Variants in CHSY1 observed in about 807,000 individuals in gnomAD.
CHSY1 encodes the protein chondroitin sulfate synthase 1.
Under a neutral mutation model 59.8 loss-of-function variants are expected in CHSY1, and 13 were observed. That is an observed-to-expected ratio of 0.22 (90% CI 0.14 to 0.35). The LOEUF (loss-of-function observed/expected upper bound fraction) is 0.35. Among genes scored for constraint, CHSY1 ranks in the 10% least tolerant of loss-of-function variants. The pLI, the probability that CHSY1 is intolerant of heterozygous loss-of-function variation, is 1.00. For synonymous variants in CHSY1, 459 were observed against 401.2 expected, an observed-to-expected ratio of 1.14 and a Z score of -1.72; for missense variants, 947 against 1,030.6, an observed-to-expected ratio of 0.92 and a Z score of 1.11.
At chr15:101,186,351 TAAAAC>T (rs2038365005) in intron 2 of CHSY1, among the ~76,000 whole-genome samples, 2 of 134,514 alleles carry the variant, frequency 1.5e-5, no homozygotes, top group Non-Finnish European at 3.2e-5. Flanking sequence ...AATAAATAAA[TAAAAC>T]GTATAGTCAC....
At chr15:101,183,679 C>G (rs530968893) in intron 2 of CHSY1, among the ~76,000 whole-genome samples, 20 of 152,316 alleles carry the variant, frequency 1.3e-4, no homozygotes, top group Non-Finnish European at 2.6e-4. Context: ...AAGGAGGCAC[C>G]ACACGGACAG....
intron 2 of CHSY1, 22 bp downstream of exon 2, chr15:101,235,060 T>C (rs747150513): frequency 1.2e-6 from 2 of 1,611,844 alleles, no homozygotes; most frequent in Non-Finnish European, 1.7e-6. Flanking sequence ...GTTTTTCCCA[T>C]GGTAAAGAAT....
chr15:101,223,789 C>T (rs111462074), intron 2 of CHSY1, among the ~76,000 whole-genome samples: 2 of 139,768 alleles, frequency 1.4e-5, no homozygotes, highest in South Asian at 2.3e-4. Flanking sequence ...ACTCAGGCCT[C>T]GTCTACTACA....
chr15:101,218,192 C>G (rs2038753593), intron 2 of CHSY1, among the ~76,000 whole-genome samples: 1 of 152,204 alleles, frequency 6.6e-6, no homozygotes, highest in Admixed American at 6.5e-5. Flanking sequence ...CTGGCACAGA[C>G]AGGCGACAGG....
chr15:101,189,361 T>C, intron 2 of CHSY1: 1 of 794,100 alleles, frequency 1.3e-6, no homozygotes, highest in Non-Finnish European at 1.5e-6. Flanking sequence ...GAACGTGATA[T>C]AAGCTCTAGT....
At chr15:101,211,471 C>T (rs1408509987) in intron 2 of CHSY1, among the ~76,000 whole-genome samples, 1 of 152,044 alleles carries the variant, frequency 6.6e-6, no homozygotes, top group Non-Finnish European at 1.5e-5. Context: ...ACGTATAGGA[C>T]TCAGTGAAAA....
intron 2 of CHSY1, among the ~76,000 whole-genome samples, chr15:101,191,574 G>T (rs2038445476): frequency 1.3e-5 from 2 of 152,184 alleles, no homozygotes; most frequent in South Asian, 4.1e-4. Context: ...GACTTCGGGT[G>T]ATAATGATAT....
chr15:101,182,801 C>T (rs984876144), intron 2 of CHSY1, among the ~76,000 whole-genome samples: 12 of 152,366 alleles, frequency 7.9e-5, no homozygotes, highest in African/African-American at 2.6e-4. Context: ...AAAGCCTCTG[C>T]TACACAGCTC....
intron 2 of CHSY1, among the ~76,000 whole-genome samples, chr15:101,225,900 TAAAG>T (rs1242985129): frequency 1.3e-5 from 2 of 152,162 alleles, no homozygotes; most frequent in African/African-American, 2.4e-5. Context: ...TGTCTTAAGA[TAAAG>T]AAAACGATAT....
At chr15:101,200,336 C>T (rs1007148751) in intron 2 of CHSY1, among the ~76,000 whole-genome samples, 10 of 152,194 alleles carry the variant, frequency 6.6e-5, no homozygotes, top group African/African-American at 9.7e-5. Flanking sequence ...TTTCACATGA[C>T]GGGTAAACAC....
intron 2 of CHSY1, among the ~76,000 whole-genome samples, chr15:101,226,939 T>C (rs2038847385): frequency 6.6e-6 from 1 of 152,154 alleles, no homozygotes; most frequent in Non-Finnish European, 1.5e-5. Flanking sequence ...TAACAGATGC[T>C]TTTAGGTGAC....
chr15:101,224,476 A>C (rs1357897422), intron 2 of CHSY1, among the ~76,000 whole-genome samples: 3 of 152,184 alleles, frequency 2.0e-5, no homozygotes, highest in Non-Finnish European at 4.4e-5. Context: ...ACATCACTAA[A>C]TCATAAGAAA....
intron 2 of CHSY1, among the ~76,000 whole-genome samples, chr15:101,195,540 G>C (rs374707323): frequency 9.1e-4 from 139 of 152,352 alleles, no homozygotes; most frequent in African/African-American, 3.2e-3. Context: ...TTTAAAAGCT[G>C]GCCGGGTGTG....
Position 101,235,584 on chromosome 15 carries a change from T to C in CHSY1, c.321-7A>G. ...AATTGTCTTGGACCATGTTCTGGAA[T>C]TAAAATAAATATCAGTTAGAGAACA... On this transcript the variant is annotated splice_region_variant and splice_polypyrimidine_tract_variant and intron_variant, in intron 1 of 2. Coordinates refer to ENST00000254190, the MANE Select transcript of CHSY1 (RefSeq NM_014918.5). 6.2e-7 allele frequency: 1 copy of C among 1,605,594 alleles called. No individual in the cohort carries two copies. Among genetic ancestry groups the C allele is most frequent in the Non-Finnish European group, 8.5e-7 (1 of 1,179,826 alleles).
chr15:101,249,958 C>G (rs1389441047), intron 1 of CHSY1, among the ~76,000 whole-genome samples: 2 of 152,238 alleles, frequency 1.3e-5, no homozygotes, highest in Non-Finnish European at 2.9e-5. Context: ...AAGGGGCAGT[C>G]ACTGAAGACC....
chr15:101,247,448 C>T (rs914495585), intron 1 of CHSY1, among the ~76,000 whole-genome samples: 2 of 152,192 alleles, frequency 1.3e-5, no homozygotes, highest in Admixed American at 6.5e-5. Context: ...CTAGCAGAAA[C>T]CCTCTTTTTA....
At chr15:101,247,844 G>A (rs892748578) in intron 1 of CHSY1, among the ~76,000 whole-genome samples, 3 of 152,164 alleles carry the variant, frequency 2.0e-5, no homozygotes, top group African/African-American at 4.8e-5. Context: ...TGTGCCTTTA[G>A]TGTGGACGGG....
chr15:101,238,726 T>TTTG (rs1394225068), intron 1 of CHSY1, among the ~76,000 whole-genome samples: 26 of 152,250 alleles, frequency 1.7e-4, no homozygotes, highest in African/African-American at 6.0e-4. Context: ...AAATAACTCA[T>TTTG]TAACAAAGAA....
chr15:101,232,545 C>A (rs1417621647), intron 2 of CHSY1, among the ~76,000 whole-genome samples: 1 of 152,122 alleles, frequency 6.6e-6, no homozygotes, highest in Non-Finnish European at 1.5e-5. Context: ...AGAAAACATA[C>A]AGGAGAAAAC....
Sources: gnomAD v4.1 joint callset for allele counts (sites outside exome capture counted in the v4.1 genomes callset) on GRCh38, gnomAD v4.1.1 for gene constraint, MANE v1.5 for transcripts, NCBI Gene and HGNC (gene_info 2026-07-23, HGNC 2026-07-21) for gene names.